UNC13D: variants seen among roughly 807,000 people sequenced by gnomAD.
UNC13D encodes the protein unc-13 homolog D, also known as protein unc-13 homolog D.
Under a neutral mutation model 151.7 loss-of-function variants are expected in UNC13D, and 115 were observed. The observed-to-expected ratio is 0.76, with a 90% confidence interval of 0.65 to 0.88. The LOEUF (loss-of-function observed/expected upper bound fraction) is 0.88, where lower values mean the gene tolerates loss of function less well. UNC13D is among the 40% of genes least tolerant of loss of function. The pLI, the probability that UNC13D is intolerant of heterozygous loss-of-function variation, is 0.00. For synonymous variants in UNC13D, 588 were observed against 612.2 expected (o/e 0.96, Z 0.58); for missense variants, 1,369 against 1,438.7 (o/e 0.95, Z 0.78).
rs1316667053 is a variant in UNC13D at position 75,844,308 on chromosome 17, C to A, written c.30G>T (p.Gln10His). Residue 10 changes from glutamine (Q) to histidine (H), a missense_variant, in exon 1 of 32, where the codon CAG becomes CAT. Coordinates refer to ENST00000207549, the MANE Select transcript of UNC13D (RefSeq NM_199242.3). ...TGGCCTGGCGCAAGAAGGGAGGGCG[C>A]TGCTGCGGATGGGAGAGGAGTGTCG... MATLLSHPQ[Q>H]RPPFLRQAIK... is the part of the protein sequence containing the mutation. 2.3e-5 allele frequency: 37 copies of A among 1,612,522 alleles called. No individual in the cohort carries two copies. The highest frequency in any genetic ancestry group is 3.1e-5 in the Non-Finnish European group (37 of 1,179,814).
At position 75,831,501 on chromosome 17, in the gene UNC13D, T is replaced by G. The variant is rs1228635131; in HGVS notation, c.2448-153A>C. On this transcript the variant is annotated intron_variant, in intron 25 of 31. Coordinates refer to ENST00000207549, the MANE Select transcript of UNC13D (RefSeq NM_199242.3). ...CTCCCCCTCCGCCTCCCACCCCAGG[T>G]GAGGCTGGGGAGAGGGTGGGTACAG... 1.7e-5 allele frequency: 12 copies of G among 688,130 alleles called. No homozygotes were observed. The Admixed American group carries it at 2.2e-4, about 13-fold the overall frequency. The allele number at this position is 688,130 out of a possible 1,614,324, so 42.6% of individuals were successfully genotyped here. A position where few individuals can be genotyped will look rare whatever the true frequency, so the allele number is the denominator to read the frequency against.
chr17:75,841,906 G>A (rs954702503), intron 6 of UNC13D, among the ~76,000 whole-genome samples: 4 of 151,826 alleles, frequency 2.6e-5, no homozygotes, highest in African/African-American at 4.8e-5. Context: ...CTGCCACCAC[G>A]CCCGGCTAAT....
chr17:75,840,022 T>C lies in UNC13D; in HGVS notation c.947A>G (p.His316Arg), dbSNP rs1420308533. The C allele has an allele frequency of 6.2e-7, 1 of 1,613,628 alleles. No individual in the cohort carries two copies. Among genetic ancestry groups the C allele is most frequent in the Non-Finnish European group, 8.5e-7 (1 of 1,179,964 alleles). The change falls in exon 11 of 32, where the codon CAC becomes CGC. Residue 316 changes from histidine (H) to arginine (R), a missense_variant. By Grantham distance (29) the His-to-Arg change is conservative (BLOSUM62 0). Transcript: ENST00000207549. This position sits in a 1 kb window ranked among gnomAD's most constrained non-coding sequence, Gnocchi z 4.6. ...CCAGCCCCAGGAGGGCAATACCTCG[T>C]GCTGGGTGACCTCGTGGGACACAAG... ...QQLVSHEVTQ[H>R]EAGSTSWDGS...
intron 27 of UNC13D, 56 bp from the exon 28 acceptor site, chr17:75,830,717 G>C: frequency 6.5e-7 from 1 of 1,544,284 alleles, no homozygotes; most frequent in Non-Finnish European, 8.8e-7. Flanking sequence ...CCACAGCCCA[G>C]GCCTGCCCTC....
chr17:75,842,429 G>A lies in UNC13D; in HGVS notation c.569+4C>T, dbSNP rs973910678. The A allele has an allele frequency of 3.1e-6, 5 of 1,610,254 alleles. No homozygotes were observed. Among genetic ancestry groups the A allele is most frequent in the South Asian group, 2.2e-5 (2 of 90,932 alleles). On this transcript the variant is annotated splice_donor_region_variant and intron_variant, in intron 6 of 31. Transcript: ENST00000207549. ...AGAGTGGGGGCTGGAGCACGGCCAC[G>A]TACAGGATGAAGGTCTCGTCCCAGA...
At chr17:75,830,335 G>C (rs779204571) in intron 29 of UNC13D, 27 bp downstream of exon 29, 1 of 1,589,168 alleles carries the variant, frequency 6.3e-7, no homozygotes, top group African/African-American at 1.3e-5. Flanking sequence ...GGACCATGGA[G>C]AGTGGCCAAA....
At chr17:75,831,732 G>A (rs1037757489) in intron 25 of UNC13D, 5 of 259,476 alleles carry the variant, frequency 1.9e-5, no homozygotes, top group African/African-American at 8.8e-5. Flanking sequence ...GGAGGTCGAG[G>A]TGGGTGGATC....
Position 75,836,638 on chromosome 17 carries a change from C to G in UNC13D, c.1232G>C (p.Arg411Pro), listed in dbSNP as rs200109035. ...GAGGGGGAAGACAGAGCGGAACCTCCGGATGAGGGAGAGGCCGTAGGTCAG... is the reference window on the plus strand; with the variant it reads ...GAGGGGGAAGACAGAGCGGAACCTCGGGATGAGGGAGAGGCCGTAGGTCAG... ...SLLTYGLSLI[R>P]RFRSVFPLSV... Residue 411 changes from arginine (R) to proline (P), a missense_variant, in exon 14 of 32, where the codon CGG (arginine) becomes CCG (proline). Around this residue, in one of 3 missense-constraint regions of UNC13D, gnomAD observed 550 missense variants for 609.0 expected, o/e 0.90. Coordinates refer to ENST00000207549, the MANE Select transcript of UNC13D (RefSeq NM_199242.3). 1.2e-6 allele frequency: 2 copies of G among 1,613,670 alleles called. No individual in the cohort carries two copies. Among genetic ancestry groups the G allele is most frequent in the Admixed American group, 3.3e-5 (2 of 60,004 alleles).
In UNC13D at chr17:75,836,605, G is replaced by A. The variant is rs1271508204; in HGVS notation, c.1265C>T (p.Ser422Leu). ...AGACTGCAGCCGGGCTGGGGAGTCC[G>A]AGACAGAGAGGGGGAAGACAGAGCG... is the stretch of plus-strand genomic sequence containing the variant. ...RFRSVFPLSV[S>L]DSPARLQSLL... Residue 422 changes from serine to leucine, a missense_variant, in exon 14 of 32, where the codon TCG becomes TTG. Ser to Leu is a moderately radical substitution (Grantham distance 145). This residue lies in a region of UNC13D where 550 missense variants were observed against 609.0 expected (regional missense o/e 0.90). Coordinates refer to ENST00000207549, the MANE Select transcript of UNC13D (RefSeq NM_199242.3). 7 of 1,613,720 alleles carry A rather than the reference G, an allele frequency of 4.3e-6. No homozygotes were observed. The highest frequency in any genetic ancestry group is 1.7e-5 in the Admixed American group (1 of 60,008).
chr17:75,838,826 C>T (rs138548751), intron 12 of UNC13D, among the ~76,000 whole-genome samples: 49 of 152,310 alleles, frequency 3.2e-4, no homozygotes, highest in Middle Eastern at 3.4e-3. Flanking sequence ...AAAGGCTGGG[C>T]GCGGTGGCAC....
At chr17:75,836,766 T>G (rs1236397034) in intron 13 of UNC13D, 35 bp downstream of exon 13, 1 of 1,613,640 alleles carries the variant, frequency 6.2e-7, no homozygotes, top group Admixed American at 1.7e-5. Flanking sequence ...CCCTGAGCCC[T>G]GCCTGCTCAG....
rs121434353 is a variant in UNC13D, at chr17:75,836,662, A to G, written c.1208T>C (p.Leu403Pro). The G allele has an allele frequency of 2.5e-6, 4 of 1,613,804 alleles. No homozygotes were observed. Among genetic ancestry groups the G allele is most frequent in the Non-Finnish European group, 3.4e-6 (4 of 1,180,032 alleles). Reference protein sequence around the residue: ...EELAASFSSLLTYGLSLIRRF... With the variant: ...EELAASFSSLPTYGLSLIRRF... ...CCGGATGAGGGAGAGGCCGTAGGTC[A>G]GCAGGGAGCTGAATGAGGCGGCCAG... Residue 403 changes from leucine to proline, a missense_variant, in exon 14 of 32, where the codon CTG becomes CCG. Leu to Pro is a moderately conservative substitution (Grantham distance 98, BLOSUM62 -3). This residue lies in a region of UNC13D where 550 missense variants were observed against 609.0 expected (regional missense o/e 0.90). Transcript: ENST00000207549.
chr17:75,827,828 G>A lies in UNC13D; in HGVS notation c.*137C>T. On this transcript the variant is annotated 3_prime_UTR_variant, in exon 32 of 32. Coordinates refer to ENST00000207549, the MANE Select transcript of UNC13D (RefSeq NM_199242.3). ...GGGAGGCAGGGGAGGTCTGCACTCT[G>A]GGCACTCCGCATGCTGGGGCTCCCC... is the stretch of plus-strand genomic sequence containing the variant. 1 of 1,503,420 alleles carries A rather than the reference G, an allele frequency of 6.7e-7. No individual in the cohort carries two copies. Among genetic ancestry groups the A allele is most frequent in the Non-Finnish European group, 8.9e-7 (1 of 1,126,522 alleles). The allele number at this position is 1,503,420 out of a possible 1,614,324, so 93.1% of individuals were successfully genotyped here.
chr17:75,828,799 G>A lies in UNC13D; in HGVS notation c.3139C>T (p.Pro1047Ser). The A allele has an allele frequency of 1.3e-6, 2 of 1,548,998 alleles. No individual in the cohort carries two copies. The highest frequency in any genetic ancestry group is 1.7e-6 in the Non-Finnish European group (2 of 1,148,464). Residue 1047 changes from proline (P) to serine (S), a missense_variant, in exon 31 of 32, where the codon CCC becomes TCC. This residue lies in a region of UNC13D where 807 missense variants were observed against 795.5 expected (regional missense o/e 1.01). Transcript: ENST00000207549. ...VPQTRLPLTYPAPNGDPILQL... is the reference protein window; with the variant it reads ...VPQTRLPLTYSAPNGDPILQL... Reference sequence around the variant, plus strand: ...GGCTCAGGCCTACCGTTGGGTGCGGGGTACGTGAGGGGCAGGCGGGTCTGA... The same window carrying A: ...GGCTCAGGCCTACCGTTGGGTGCGGAGTACGTGAGGGGCAGGCGGGTCTGA...
At position 75,840,700 on chromosome 17, in the gene UNC13D, T is replaced by C. The variant is rs1358219331; in HGVS notation, c.683+62A>G. 4.3e-6 allele frequency: 7 copies of C among 1,611,612 alleles called. No homozygotes were observed. The African/African-American group carries it at 9.4e-5, about 22-fold the overall frequency. On this transcript the variant is annotated intron_variant, in intron 8 of 31. Transcript: ENST00000207549. The surrounding 1 kb of genome is among the most constrained non-coding windows in gnomAD (Gnocchi z 4.6). ...CCTGCACCCCAGCATCCAGTGTGCA[T>C]GTTGGGGGATGGAGGGCAAAAGGAG...
chr17:75,836,785 G>A lies in UNC13D; in HGVS notation c.1173+16C>T. On this transcript the variant is annotated intron_variant, in intron 13 of 31. Coordinates refer to ENST00000207549, the MANE Select transcript of UNC13D (RefSeq NM_199242.3). ...GAGCCCTGCCTGCTCAGTGCCCCTT[G>A]CCACTGCATGCCTACCTGTTCTGCC... 1 of 1,613,744 alleles carries A rather than the reference G, an allele frequency of 6.2e-7. No individual in the cohort carries two copies. The highest frequency in any genetic ancestry group is 2.2e-5 in the East Asian group (1 of 44,882).
Position 75,835,392 on chromosome 17 carries a change from C to CCTGGCCACGCCCCCACCTCATCCAT in UNC13D, c.1840_1848+16dup. On this transcript the variant is annotated intron_variant, in intron 20 of 31. Coordinates refer to ENST00000207549, the MANE Select transcript of UNC13D (RefSeq NM_199242.3). ...CCCAAACCGGGGCCCCGCCCCCTGCCCTGGCCACGCCCCCACCTCATCCAT... is the reference window on the plus strand; with the variant it reads ...CCCAAACCGGGGCCCCGCCCCCTGCCCTGGCCACGCCCCCACCTCATCCATCTGGCCACGCCCCCACCTCATCCAT... 6.2e-7 allele frequency: 1 copy of CCTGGCCACGCCCCCACCTCATCCAT among 1,609,670 alleles called. No individual in the cohort carries two copies. Among genetic ancestry groups the CCTGGCCACGCCCCCACCTCATCCAT allele is most frequent in the Non-Finnish European group, 8.5e-7 (1 of 1,179,042 alleles).
chr17:75,828,860 G>A lies in UNC13D; in HGVS notation c.3078C>T (p.Pro1026=), dbSNP rs372034111. ...CAGGCTCCTCAGAGCCACTCAGCCC[G>A]GGCACCTCACGCAGCGGCAGGAAGG... is the stretch of plus-strand genomic sequence containing the variant. ...GEAFLPLREV[P]GLSGSEEPGE... The change falls in exon 31 of 32, where the codon CCC becomes CCT. Residue 1026 remains proline (P), a synonymous_variant. Transcript: ENST00000207549. 2.3e-4 allele frequency: 369 copies of A among 1,595,874 alleles called. 1 individual carries two copies. Among genetic ancestry groups the A allele is most frequent in the African/African-American group, 6.9e-4 (52 of 74,914 alleles).
In UNC13D at chr17:75,829,536, G is replaced by A. The variant is rs190991146; in HGVS notation, c.2954+492C>T. 549 of 177,212 alleles carry A rather than the reference G, an allele frequency of 3.1e-3. 1 individual carries two copies. Among genetic ancestry groups the A allele is most frequent in the Non-Finnish European group, 4.4e-3 (362 of 83,048 alleles). The allele number at this position is 177,212 out of a possible 1,614,324, so 11.0% of individuals were successfully genotyped here. A position where few individuals can be genotyped will look rare whatever the true frequency, so the allele number is the denominator to read the frequency against. ...TCTTGATCTCCTGACCTCGTGATCCGCCCGCCTTGGCCTCCCAAAGTGCTG... is the reference window on the plus strand; with the variant it reads ...TCTTGATCTCCTGACCTCGTGATCCACCCGCCTTGGCCTCCCAAAGTGCTG... On this transcript the variant is annotated intron_variant, in intron 30 of 31. Transcript: ENST00000207549.
Sources: allele counts gnomAD v4.1 joint callset (sites outside exome capture counted in the v4.1 genomes callset), GRCh38; gene constraint gnomAD v4.1.1; regional missense constraint gnomAD v4.1.1; non-coding constraint Gnocchi (gnomAD v3.1); transcripts MANE v1.5; gene names NCBI Gene and HGNC (gene_info 2026-07-23, HGNC 2026-07-21).